The following GLIS3 variants were observed in gnomAD, a reference collection of about 807,000 sequenced individuals.
The protein encoded by GLIS3 is GLIS family zinc finger 3.
In GLIS3, 53 loss-of-function variants were observed where a neutral mutation model predicts 78.6. That is an observed-to-expected ratio of 0.67 (90% CI 0.54 to 0.85). The LOEUF is 0.85. Ranked by LOEUF, GLIS3 falls within the 40% of genes least tolerant of loss-of-function variation. The probability of loss-of-function intolerance (pLI) is 0.00; values close to 1 mark genes in which losing one functional copy is unlikely to be tolerated. For synonymous variants in GLIS3, 684 were observed against 509.9 expected, an observed-to-expected ratio of 1.34 and a Z score of -4.60; for missense variants, 1,703 against 1,231.1, an observed-to-expected ratio of 1.38 and a Z score of -5.74.
chr9:4,282,655 G>C (rs1587294878), intron 2 of GLIS3, among the ~76,000 whole-genome samples: 1 of 151,976 alleles, frequency 6.6e-6, no homozygotes, highest in Non-Finnish European at 1.5e-5. Flanking sequence ...GCTCTCCTGG[G>C]TCTCCAGCTG....
At chr9:3,969,541 A>C (rs776145687) in intron 4 of GLIS3, among the ~76,000 whole-genome samples, 1 of 152,254 alleles carries the variant, frequency 6.6e-6, no homozygotes, top group African/African-American at 2.4e-5. Context: ...TCATGAAAGC[A>C]GAGATCTCAG....
At chr9:4,160,273 A>G (rs995030771) in intron 2 of GLIS3, among the ~76,000 whole-genome samples, 2 of 152,242 alleles carry the variant, frequency 1.3e-5, no homozygotes, top group African/African-American at 4.8e-5. Flanking sequence ...AGTGGTGCTA[A>G]GGAACTGACC....
chr9:4,414,521 A>T, the GLIS3 span, among the ~76,000 whole-genome samples: 1 of 152,224 alleles, frequency 6.6e-6, no homozygotes, highest in South Asian at 2.1e-4. Flanking sequence ...TAAGGGTTAA[A>T]AAAGATTATA....
intron 2 of GLIS3, among the ~76,000 whole-genome samples, chr9:4,239,688 T>C (rs1436015299): frequency 6.6e-6 from 1 of 152,248 alleles, no homozygotes; most frequent in East Asian, 1.9e-4. Flanking sequence ...ACTTTTCCAT[T>C]ACCTACTTCC....
At chr9:3,885,044 G>GA (rs1821980670) in intron 7 of GLIS3, among the ~76,000 whole-genome samples, 1 of 152,170 alleles carries the variant, frequency 6.6e-6, no homozygotes. Flanking sequence ...TGCCCATCCT[G>GA]AAAGCAATTC....
intron 7 of GLIS3, among the ~76,000 whole-genome samples, chr9:3,880,073 A>G (rs1003636997): frequency 6.6e-6 from 1 of 152,162 alleles, no homozygotes; most frequent in Non-Finnish European, 1.5e-5. Flanking sequence ...TGCTAAATCA[A>G]TGTAATGAGA....
chr9:4,280,556 G>T (rs544758324), intron 2 of GLIS3, among the ~76,000 whole-genome samples: 1 of 152,200 alleles, frequency 6.6e-6, no homozygotes, highest in East Asian at 1.9e-4. Flanking sequence ...ACAGCAGAAG[G>T]CCAGATCAAA....
intron 1 of GLIS3, among the ~76,000 whole-genome samples, chr9:4,290,899 C>G (rs943355698): frequency 2.6e-5 from 4 of 151,986 alleles, no homozygotes; most frequent in African/African-American, 9.7e-5. Context: ...ATTATTTCCC[C>G]AAATTGAAAC....
intron 4 of GLIS3, among the ~76,000 whole-genome samples, chr9:3,961,291 T>C (rs1817531844): frequency 6.6e-6 from 1 of 152,204 alleles, no homozygotes; most frequent in African/African-American, 2.4e-5. Context: ...CAAAACCTTG[T>C]ACTAATCATT....
At chr9:4,137,775 C>A (rs1833506527) in intron 2 of GLIS3, among the ~76,000 whole-genome samples, 1 of 152,198 alleles carries the variant, frequency 6.6e-6, no homozygotes, top group Non-Finnish European at 1.5e-5. Flanking sequence ...GCCAAGTTAA[C>A]TGAAAGCTGC....
chr9:4,364,139 G>T, the GLIS3 span, among the ~76,000 whole-genome samples: 2 of 152,090 alleles, frequency 1.3e-5, no homozygotes, highest in Non-Finnish European at 2.9e-5. Context: ...ATATCCAAGG[G>T]TCTCATTCTA....
At chr9:4,256,427 A>G (rs1036848963) in intron 2 of GLIS3, among the ~76,000 whole-genome samples, 4 of 152,240 alleles carry the variant, frequency 2.6e-5, no homozygotes, top group Non-Finnish European at 5.9e-5. Context: ...TTAAAATAAT[A>G]AAGACATCTA....
At chr9:4,209,343 G>A (rs1054035037) in intron 2 of GLIS3, among the ~76,000 whole-genome samples, 1 of 152,110 alleles carries the variant, frequency 6.6e-6, no homozygotes, top group African/African-American at 2.4e-5. Flanking sequence ...AGGGTATCTG[G>A]GTTTCTCATA....
Position 4,171,807 on chromosome 9 carries a change from C to T in GLIS3, c.389-45866G>A, listed in dbSNP as rs145365043. ...TGTAATTTGGAACTACAGTACCATA[C>T]GCAGAACAAATACTCAAACGTCAAA... On this transcript the variant is annotated intron_variant, in intron 2 of 10. Transcript: ENST00000381971. Among the ~76,000 whole-genome samples the T allele has an allele frequency of 7.1e-3, 1,087 of 152,216 alleles. 9 individuals carry two copies. The highest frequency in any genetic ancestry group is 0.013 in the African/African-American group (551 of 41,522).
At chr9:4,177,315 T>G (rs1176045291) in intron 2 of GLIS3, among the ~76,000 whole-genome samples, 2 of 152,206 alleles carry the variant, frequency 1.3e-5, no homozygotes, top group East Asian at 3.8e-4. Flanking sequence ...TTGTAAGGTG[T>G]ACCAATATAG....
At chr9:4,444,086 T>A in the GLIS3 span, among the ~76,000 whole-genome samples, 1 of 152,164 alleles carries the variant, frequency 6.6e-6, no homozygotes, top group African/African-American at 2.4e-5. Flanking sequence ...AAGAGTAACC[T>A]CTTGATCTGG....
the GLIS3 span, among the ~76,000 whole-genome samples, chr9:4,441,856 C>T: frequency 2.0e-5 from 3 of 152,292 alleles, no homozygotes; most frequent in South Asian, 4.1e-4. Context: ...CTGCCCACCT[C>T]GGCCTCCCCA....
chr9:4,448,033 T>C, the GLIS3 span, among the ~76,000 whole-genome samples: 1 of 152,184 alleles, frequency 6.6e-6, no homozygotes, highest in Non-Finnish European at 1.5e-5. Context: ...ATTACAGTCA[T>C]GAGCCACCAC....
chr9:4,068,560 A>G (rs1487846242), intron 4 of GLIS3, among the ~76,000 whole-genome samples: 1 of 152,082 alleles, frequency 6.6e-6, no homozygotes, highest in Non-Finnish European at 1.5e-5. Context: ...TACAATGACC[A>G]AGTATAACCT....
Sources: allele counts gnomAD v4.1 joint callset (sites outside exome capture counted in the v4.1 genomes callset), GRCh38; gene constraint gnomAD v4.1.1; transcripts MANE v1.5; gene names NCBI Gene and HGNC (gene_info 2026-07-23, HGNC 2026-07-21).